NREP: variants seen among roughly 807,000 people sequenced by gnomAD.
NREP encodes the protein neuronal regeneration related protein.
Under a neutral mutation model 8.6 loss-of-function variants are expected in NREP, and 5 were observed. That is an observed-to-expected ratio of 0.58 (90% confidence interval 0.30 to 1.22). The LOEUF (loss-of-function observed/expected upper bound fraction) is 1.22. Ranked by LOEUF, NREP falls within the 50% of genes most tolerant of loss-of-function variation. The probability of loss-of-function intolerance (pLI) is 0.07; values close to 1 mark genes in which losing one functional copy is unlikely to be tolerated. For synonymous variants in NREP, 27 were observed against 28.0 expected (o/e 0.96, Z 0.11); for missense variants, 86 against 82.5 (o/e 1.04, Z -0.17).
At chr5:111,915,647 G>A (rs889266440) in intron 2 of NREP, among the ~76,000 whole-genome samples, 4 of 151,996 alleles carry the variant, frequency 2.6e-5, no homozygotes, top group East Asian at 1.9e-4. Flanking sequence ...TTTTTGGCCC[G>A]TAGTAATACC....
intron 2 of NREP, among the ~76,000 whole-genome samples, chr5:111,770,586 AGACAGAGTCTCACTC>A (rs1398552209): frequency 1.4e-4 from 7 of 50,422 alleles, no homozygotes; most frequent in Admixed American, 1.2e-3. Flanking sequence ...TTTTTTTTTG[AGACAGAGTCTCACTC>A]TGTTACCCAG....
At chr5:111,960,573 T>G (rs1756451599) in intron 2 of NREP, among the ~76,000 whole-genome samples, 1 of 152,280 alleles carries the variant, frequency 6.6e-6, no homozygotes, top group South Asian at 2.1e-4. Context: ...ATATAATAGT[T>G]CATGAGTACT....
chr5:111,760,802 C>T (rs1750943210), upstream of NREP, among the ~76,000 whole-genome samples: 1 of 152,158 alleles, frequency 6.6e-6, no homozygotes, highest in Non-Finnish European at 1.5e-5. Context: ...TGGGTTCTGT[C>T]CCTGGCAAGT....
intron 2 of NREP, among the ~76,000 whole-genome samples, chr5:111,850,683 G>A (rs1351589982): frequency 6.6e-6 from 1 of 152,046 alleles, no homozygotes; most frequent in African/African-American, 2.4e-5. Flanking sequence ...AATTGAGCCT[G>A]CTAGCTGAGT....
At chr5:111,948,158 AT>A (rs1256992089) in intron 2 of NREP, among the ~76,000 whole-genome samples, 1 of 152,088 alleles carries the variant, frequency 6.6e-6, no homozygotes, top group Non-Finnish European at 1.5e-5. Context: ...GACATATTTA[AT>A]TTCCCACAAA....
At chr5:111,930,383 C>T (rs1047756181) in intron 2 of NREP, among the ~76,000 whole-genome samples, 1 of 152,026 alleles carries the variant, frequency 6.6e-6, no homozygotes, top group African/African-American at 2.4e-5. Flanking sequence ...TTGAAAGTGG[C>T]GAATTTAGTT....
At chr5:111,870,450 A>G (rs1330437714) in intron 2 of NREP, among the ~76,000 whole-genome samples, 1 of 152,206 alleles carries the variant, frequency 6.6e-6, no homozygotes, top group Non-Finnish European at 1.5e-5. Context: ...AAAGAAAATT[A>G]GCACATCAAA....
At chr5:111,903,057 T>C (rs1424187058) in intron 2 of NREP, among the ~76,000 whole-genome samples, 4 of 151,660 alleles carry the variant, frequency 2.6e-5, no homozygotes, top group Non-Finnish European at 4.4e-5. Context: ...TAATTCTATT[T>C]TCCATGAATT....
intron 2 of NREP, among the ~76,000 whole-genome samples, chr5:111,746,364 A>T (rs184164475): frequency 1.3e-5 from 2 of 152,160 alleles, no homozygotes; most frequent in Admixed American, 6.5e-5. Context: ...AAGTAAAAAA[A>T]ATATGCAAGG....
At chr5:111,856,035 G>C (rs1247630307) in intron 2 of NREP, among the ~76,000 whole-genome samples, 1 of 152,166 alleles carries the variant, frequency 6.6e-6, no homozygotes, top group Non-Finnish European at 1.5e-5. Flanking sequence ...ACCAGCTGGA[G>C]AGGCCTCTCT....
At chr5:111,864,566 G>A (rs1753623712) in intron 2 of NREP, among the ~76,000 whole-genome samples, 1 of 152,072 alleles carries the variant, frequency 6.6e-6, no homozygotes, top group African/African-American at 2.4e-5. Context: ...AACTGGAGCG[G>A]GGTGAAGTAA....
At chr5:111,803,508 T>C (rs1412067115) in intron 2 of NREP, among the ~76,000 whole-genome samples, 2 of 152,188 alleles carry the variant, frequency 1.3e-5, no homozygotes, top group Admixed American at 1.3e-4. Flanking sequence ...TTCAATTACA[T>C]GCTTATTTTG....
At chr5:111,760,133 C>G (rs745562180), upstream of NREP, among the ~76,000 whole-genome samples, 2 of 152,266 alleles carry the variant, frequency 1.3e-5, no homozygotes, top group East Asian at 3.9e-4. Flanking sequence ...AATTTTTTGA[C>G]GGGGTGAGGA....
intron 2 of NREP, among the ~76,000 whole-genome samples, chr5:111,811,201 T>A (rs953514915): frequency 4.2e-4 from 64 of 152,190 alleles, no homozygotes; most frequent in African/African-American, 1.5e-3. Context: ...CTCTCTTTGT[T>A]CCTCTGTCCT....
At chr5:111,852,366 AGTGTAT>A (rs542792919) in intron 2 of NREP, among the ~76,000 whole-genome samples, 1 of 152,098 alleles carries the variant, frequency 6.6e-6, no homozygotes, top group Non-Finnish European at 1.5e-5. Context: ...TACATCTTCT[AGTGTAT>A]GTGAGGTCCC....
intron 2 of NREP, among the ~76,000 whole-genome samples, chr5:111,746,232 G>A (rs1581065828): frequency 6.6e-6 from 1 of 151,348 alleles, no homozygotes; most frequent in Non-Finnish European, 1.5e-5. Flanking sequence ...TCAAAAAGTG[G>A]TTATCATTTT....
intron 2 of NREP, among the ~76,000 whole-genome samples, chr5:111,778,774 C>T (rs1751422222): frequency 6.6e-6 from 1 of 152,158 alleles, no homozygotes; most frequent in East Asian, 1.9e-4. Flanking sequence ...GCAAAGCTCT[C>T]CTATGAAGCC....
At chr5:111,803,400 G>A (rs926835709) in intron 2 of NREP, among the ~76,000 whole-genome samples, 37 of 152,210 alleles carry the variant, frequency 2.4e-4, no homozygotes, top group African/African-American at 8.9e-4. Context: ...TAAATTTTTT[G>A]TCTAAAATGC....
intron 2 of NREP, among the ~76,000 whole-genome samples, chr5:111,836,781 G>GA (rs1233474961): frequency 6.6e-6 from 1 of 151,994 alleles, no homozygotes; most frequent in Non-Finnish European, 1.5e-5. Flanking sequence ...AACTGAGGAG[G>GA]AAAAAGAGTA....
Sources: allele counts gnomAD v4.1 joint callset (sites outside exome capture counted in the v4.1 genomes callset), GRCh38; gene constraint gnomAD v4.1.1; transcripts MANE v1.5; gene names NCBI Gene and HGNC (gene_info 2026-07-23, HGNC 2026-07-21).